The following DYNC2I1 variants were observed in gnomAD, a reference collection of about 807,000 sequenced individuals.
DYNC2I1 encodes cytoplasmic dynein 2 intermediate chain 1.
A neutral mutation model predicts 133.4 loss-of-function variants in DYNC2I1; 89 were observed. That is an observed-to-expected ratio of 0.67 (90% confidence interval 0.56 to 0.80). The LOEUF is 0.80. DYNC2I1 is among the 30% of genes least tolerant of loss of function. The pLI, the probability that DYNC2I1 is intolerant of heterozygous loss-of-function variation, is 0.00. For synonymous variants in DYNC2I1, 504 were observed against 484.3 expected, an observed-to-expected ratio of 1.04 and a Z score of -0.54; for missense variants, 1,291 against 1,314.5, an observed-to-expected ratio of 0.98 and a Z score of 0.28.
intron 1 of DYNC2I1, among the ~76,000 whole-genome samples, chr7:158,863,022 C>T (rs548227339): frequency 1.3e-5 from 2 of 149,820 alleles, no homozygotes; most frequent in East Asian, 2.0e-4. Context: ...TAGCGTGGAC[C>T]CAAAGAGTGA....
chr7:158,883,658 CTTTTT>C (rs762388455), intron 5 of DYNC2I1, among the ~76,000 whole-genome samples: 2 of 86,160 alleles, frequency 2.3e-5, no homozygotes, highest in South Asian at 9.4e-4. Flanking sequence ...CCAGTGACTT[CTTTTT>C]TTTTTTTTTT....
rs371944841 is a variant in DYNC2I1, at chr7:158,922,432, C to T, written c.1977C>T (p.Ser659=). The change falls in exon 16 of 25, where the codon TCC becomes TCT. Residue 659 remains serine, a synonymous_variant. Transcript: ENST00000407559. ...GAGTTCAGAGGCAGATGGTGGTCTC[C>T]GTTCACGACTTACCCGAGAAGAGCT... The part of the protein sequence containing the change: ...TSRVQRQMVV[S]VHDLPEKSFV... The T allele has an allele frequency of 9.4e-5, 152 of 1,613,998 alleles. 1 individual carries two copies. The highest frequency in any genetic ancestry group is 5.1e-4 in the South Asian group (46 of 91,084).
rs529501222 is a variant in DYNC2I1 at position 158,922,306 on chromosome 7, C to T, written c.1922-71C>T. 42 of 1,480,250 alleles carry T rather than the reference C, an allele frequency of 2.8e-5. 1 individual carries two copies. The highest frequency in any genetic ancestry group is 1.1e-4 in the South Asian group (9 of 79,244). The allele number at this position is 1,480,250 out of a possible 1,614,324, so 91.7% of individuals were successfully genotyped here. A position where few individuals can be genotyped will look rare whatever the true frequency, so the allele number is the denominator to read the frequency against. On this transcript the variant is annotated intron_variant, in intron 15 of 24. Coordinates refer to ENST00000407559, the MANE Select transcript of DYNC2I1 (RefSeq NM_018051.5). ...GAAGCTGAATTTTTTTTTGAGTATTCGGAAGTGTGTTAAATTTAACTTGGA... is the reference window on the plus strand; with the variant it reads ...GAAGCTGAATTTTTTTTTGAGTATTTGGAAGTGTGTTAAATTTAACTTGGA...
chr7:158,934,598 T>G, intron 23 of DYNC2I1, 49 bp downstream of exon 23: 1 of 1,531,836 alleles, frequency 6.5e-7, no homozygotes, highest in South Asian at 1.2e-5. Context: ...TTTTGTTTTT[T>G]GAGACAGGGT....
intron 1 of DYNC2I1, among the ~76,000 whole-genome samples, chr7:158,864,322 G>A (rs1173474652): frequency 6.6e-6 from 1 of 152,122 alleles, no homozygotes; most frequent in East Asian, 1.9e-4. Context: ...GTAGATGAAT[G>A]TCACAGGGTT....
chr7:158,948,295 C>G (rs965245277), downstream of DYNC2I1, among the ~76,000 whole-genome samples: 2 of 152,270 alleles, frequency 1.3e-5, no homozygotes, highest in African/African-American at 4.8e-5. Context: ...GTCTCCAAGC[C>G]CACCCTGGTG....
the DYNC2I1 span, among the ~76,000 whole-genome samples, chr7:158,841,807 T>C: frequency 6.6e-6 from 1 of 152,150 alleles, no homozygotes; most frequent in Non-Finnish European, 1.5e-5. Context: ...TATTTGGCAA[T>C]GAGGGAGTGC....
intron 5 of DYNC2I1, among the ~76,000 whole-genome samples, chr7:158,881,169 G>A (rs6954908): frequency 0.03 from 4,597 of 152,320 alleles, 219 homozygotes; most frequent in African/African-American, 0.1. Flanking sequence ...CGCTCTTGGC[G>A]CTGTCCTGCA....
At chr7:158,841,666 A>G in the DYNC2I1 span, among the ~76,000 whole-genome samples, 30 of 152,334 alleles carry the variant, frequency 2.0e-4, no homozygotes, top group East Asian at 2.3e-3. Flanking sequence ...GCTATTCAGA[A>G]AATAATTGTT....
chr7:158,863,643 G>A (rs61557072), intron 1 of DYNC2I1, among the ~76,000 whole-genome samples: 4,560 of 61,346 alleles, frequency 0.074, 496 homozygotes, highest in East Asian at 0.39. Flanking sequence ...GGCGGTGAGC[G>A]GGACGTCCTT....
intron 1 of DYNC2I1, among the ~76,000 whole-genome samples, chr7:158,859,773 C>G (rs1166632225): frequency 2.6e-5 from 4 of 152,158 alleles, no homozygotes; most frequent in Non-Finnish European, 5.9e-5. Context: ...GCATGAGCCA[C>G]TGTGCCAGGC....
chr7:158,941,902 G>A (rs1447893249), intron 23 of DYNC2I1, 23 bp from the exon 24 acceptor site: 1 of 1,574,592 alleles, frequency 6.4e-7, no homozygotes, highest in East Asian at 2.4e-5. Flanking sequence ...ATGCTCAGCA[G>A]TGTTCTTTCT....
At chr7:158,885,222 C>T (rs1844477371) in intron 6 of DYNC2I1, among the ~76,000 whole-genome samples, 1 of 152,046 alleles carries the variant, frequency 6.6e-6, no homozygotes, top group African/African-American at 2.4e-5. Context: ...GGGGGTCAGC[C>T]TTGGTTGGAA....
downstream of DYNC2I1, among the ~76,000 whole-genome samples, chr7:158,957,371 G>A (rs1852223811): frequency 6.6e-6 from 1 of 152,184 alleles, no homozygotes; most frequent in Admixed American, 6.5e-5. Flanking sequence ...CCAACCCCTG[G>A]GAAGTGTGTT....
rs1848613915 is a variant in DYNC2I1, at chr7:158,917,715, ACACTCCAC to A, written c.1792-1023_1792-1016del. Among the ~76,000 whole-genome samples, 3 of 144,086 alleles carry A rather than the reference ACACTCCAC, an allele frequency of 2.1e-5. 1 individual carries two copies. The highest frequency in any genetic ancestry group is 4.6e-5 in the Non-Finnish European group (3 of 65,822). 94.5% of individuals were successfully genotyped at this position (144,086 alleles called of 152,430 possible). The stretch of plus-strand genomic sequence containing the variant: ...TCTCACTAAACACCCCCTGCCCTCC[ACACTCCAC>A]CCTCTGCCTCTCACTAAACACTCCT... On this transcript the variant is annotated intron_variant, in intron 14 of 24. Transcript: ENST00000407559.
intron 11 of DYNC2I1, among the ~76,000 whole-genome samples, chr7:158,909,105 C>T (rs924558040): frequency 1.3e-5 from 2 of 151,626 alleles, no homozygotes; most frequent in East Asian, 1.9e-4. Flanking sequence ...CTGAGGCGGG[C>T]GGATCACCTG....
intron 23 of DYNC2I1, among the ~76,000 whole-genome samples, chr7:158,936,101 G>C (rs1173433548): frequency 6.6e-6 from 1 of 152,194 alleles, no homozygotes; most frequent in Non-Finnish European, 1.5e-5. Flanking sequence ...TGAGGCAAGA[G>C]AATCGCTTTA....
chr7:158,856,856 C>CGGCCG (rs1338659791), intron 1 of DYNC2I1, 106 bp downstream of exon 1: 30 of 1,187,044 alleles, frequency 2.5e-5, no homozygotes, highest in African/African-American at 3.2e-5. Flanking sequence ...GCGGTTCTCT[C>CGGCCG]GGCCGGGCCG....
the DYNC2I1 span, among the ~76,000 whole-genome samples, chr7:158,850,507 C>CCTGG: frequency 6.6e-6 from 1 of 152,256 alleles, no homozygotes; most frequent in African/African-American, 2.4e-5. Context: ...GGCCTCCCTG[C>CCTGG]TGCAGCTGGT....
Sources: gnomAD v4.1 joint callset for allele counts (sites outside exome capture counted in the v4.1 genomes callset) on GRCh38, gnomAD v4.1.1 for gene constraint, MANE v1.5 for transcripts, NCBI Gene and HGNC (gene_info 2026-07-23, HGNC 2026-07-21) for gene names.